Variants in NRXN3 observed in about 807,000 individuals in gnomAD.
NRXN3 encodes the protein neurexin III.
A neutral mutation model predicts 137.6 loss-of-function variants in NRXN3; 32 were observed. The ratio of observed to expected loss-of-function variants is 0.23; its 90% CI spans 0.18 to 0.31. The LOEUF (loss-of-function observed/expected upper bound fraction) is 0.31. Ranked by LOEUF, NRXN3 falls within the 10% of genes least tolerant of loss-of-function variation. The pLI is 1.00. For synonymous variants in NRXN3, 798 were observed against 784.5 expected, an observed-to-expected ratio of 1.02 and a Z score of -0.29; for missense variants, 1,574 against 2,062.5, an observed-to-expected ratio of 0.76 and a Z score of 4.59.
rs1470171889 is a variant in NRXN3, at chr14:79,238,340, A to C, written c.3263-228881A>C. ...ATTAATCATTAAGTTATTTGTGTATACATTTAACAGTTACCCATCTATTTA... is the reference window on the plus strand; with the variant it reads ...ATTAATCATTAAGTTATTTGTGTATCCATTTAACAGTTACCCATCTATTTA... On this transcript the variant is annotated intron_variant, in intron 15 of 20. Transcript: ENST00000335750. 3.3e-5 allele frequency among the ~76,000 whole-genome samples: 5 copies of C among 152,228 alleles called. No individual in the cohort carries two copies. In the East Asian group the frequency reaches 9.7e-4, roughly 29 times the overall value.
intron 15 of NRXN3, among the ~76,000 whole-genome samples, chr14:79,296,943 C>G (rs2153470031): frequency 6.6e-6 from 1 of 152,352 alleles, no homozygotes; most frequent in South Asian, 2.1e-4. Context: ...TTAGCCTCAT[C>G]ACTCAAAGGT....
chr14:78,358,069 C>G (rs2084592268), intron 4 of NRXN3, among the ~76,000 whole-genome samples: 1 of 152,112 alleles, frequency 6.6e-6, no homozygotes, highest in East Asian at 1.9e-4. Flanking sequence ...AACATGAGTT[C>G]CAGTCCTGGG....
At chr14:78,464,192 A>G (rs868212840) in intron 4 of NRXN3, among the ~76,000 whole-genome samples, 4 of 151,942 alleles carry the variant, frequency 2.6e-5, no homozygotes, top group Middle Eastern at 3.4e-3. Flanking sequence ...AGCTGGGCCT[A>G]CAGGCACCCG....
At position 78,325,158 on chromosome 14, in the gene NRXN3, C is replaced by G. The variant is rs538406033; in HGVS notation, c.757+27298C>G. Among the ~76,000 whole-genome samples, 168 of 152,044 alleles carry G rather than the reference C, an allele frequency of 1.1e-3. 2 individuals carry two copies. Among genetic ancestry groups the G allele is most frequent in the African/African-American group, 3.7e-3 (153 of 41,362 alleles). ...AAATATATAAAAATTAGCATCAGGA[C>G]AGGAATGAGACAAAGGTCCAAGGCC... On this transcript the variant is annotated intron_variant, in intron 4 of 20. Transcript: ENST00000335750.
chr14:78,959,200 G>A (rs2099403320), intron 11 of NRXN3, among the ~76,000 whole-genome samples: 1 of 152,110 alleles, frequency 6.6e-6, no homozygotes, highest in Admixed American at 6.5e-5. Flanking sequence ...AGAGCGTCTA[G>A]GCACATATCC....
intron 5 of NRXN3, among the ~76,000 whole-genome samples, chr14:78,646,542 C>T (rs1394513868): frequency 6.6e-6 from 1 of 152,178 alleles, no homozygotes. Context: ...TGATAGGTGT[C>T]TGCCTACGTT....
intron 16 of NRXN3, among the ~76,000 whole-genome samples, chr14:79,655,331 C>A: frequency 7.8e-6 from 1 of 127,474 alleles, no homozygotes; most frequent in Admixed American, 6.9e-5. Flanking sequence ...TTTATACCTG[C>A]AAAGTGGGCA....
intron 15 of NRXN3, among the ~76,000 whole-genome samples, chr14:79,084,767 CA>C (rs980154525): frequency 4.8e-4 from 73 of 152,166 alleles, no homozygotes; most frequent in African/African-American, 1.7e-3. Flanking sequence ...AAACAAAGGT[CA>C]AGCACATGTT....
Position 78,645,448 on chromosome 14 carries a change from G to A in NRXN3, c.1059+27G>A, listed in dbSNP as rs781719876. On this transcript the variant is annotated intron_variant, in intron 5 of 20. Transcript: ENST00000335750. ...TAATGGCTGAGGGGAGAGAATTCCT[G>A]GAAGGCTCATCTTAGGTGGCTGGGT... 3.2e-6 allele frequency: 5 copies of A among 1,540,196 alleles called. No individual in the cohort carries two copies. In the East Asian group the frequency reaches 1.1e-4, roughly 35 times the overall value.
chr14:78,496,621 G>A lies in NRXN3; in HGVS notation c.758-148499G>A, dbSNP rs889347926. On this transcript the variant is annotated intron_variant, in intron 4 of 20. Transcript: ENST00000335750. ...TACATTTTAGTAAAAGGAGAAAGAG[G>A]CAATGCAATAAACATTACAAGTAAA... Among the ~76,000 whole-genome samples the A allele has an allele frequency of 3.3e-5, 5 of 152,140 alleles. No homozygotes were observed. In the East Asian group the frequency reaches 9.7e-4, roughly 30 times the overall value.
chr14:78,510,825 T>G (rs2096090589), intron 4 of NRXN3, among the ~76,000 whole-genome samples: 1 of 152,194 alleles, frequency 6.6e-6, no homozygotes, highest in Non-Finnish European at 1.5e-5. Flanking sequence ...GGTACTAACG[T>G]CTCATTGCTA....
chr14:79,143,381 A>C (rs1402703189), intron 15 of NRXN3, among the ~76,000 whole-genome samples: 1 of 152,204 alleles, frequency 6.6e-6, no homozygotes, highest in Admixed American at 6.5e-5. Context: ...AGAGAGAAAA[A>C]GAAAGTCAGT....
At chr14:79,493,937 T>C (rs1231171862) in intron 16 of NRXN3, among the ~76,000 whole-genome samples, 1 of 152,230 alleles carries the variant, frequency 6.6e-6, no homozygotes, top group African/African-American at 2.4e-5. Flanking sequence ...ATTTGCTTAC[T>C]TCTCCAGATC....
At chr14:79,646,087 C>T (rs887937197) in intron 16 of NRXN3, among the ~76,000 whole-genome samples, 1 of 136,008 alleles carries the variant, frequency 7.4e-6, no homozygotes, top group African/African-American at 2.5e-5. Flanking sequence ...GCAGGTTGTA[C>T]TGCTTGGCCA....
chr14:79,552,998 T>C (rs1414988539), intron 16 of NRXN3, among the ~76,000 whole-genome samples: 2 of 151,954 alleles, frequency 1.3e-5, no homozygotes, highest in Non-Finnish European at 2.9e-5. Flanking sequence ...GGATAAACTT[T>C]CTTCTGGTGA....
intron 15 of NRXN3, among the ~76,000 whole-genome samples, chr14:79,423,700 A>G (rs1026363277): frequency 6.6e-6 from 1 of 152,238 alleles, no homozygotes; most frequent in Non-Finnish European, 1.5e-5. Flanking sequence ...CCAATTGGGC[A>G]TAACTGCTTT....
chr14:79,704,193 C>A (rs2098767011), intron 19 of NRXN3, among the ~76,000 whole-genome samples: 1 of 152,048 alleles, frequency 6.6e-6, no homozygotes, highest in East Asian at 1.9e-4. Flanking sequence ...TTTTGTAGAT[C>A]AAAATGGTTA....
At chr14:79,740,378 G>A (rs1176816911) in intron 19 of NRXN3, among the ~76,000 whole-genome samples, 4 of 151,780 alleles carry the variant, frequency 2.6e-5, no homozygotes, top group Admixed American at 6.6e-5. Flanking sequence ...AAAACTTTCC[G>A]TGACTCCTGG....
chr14:79,496,138 G>A (rs2153664105), intron 16 of NRXN3, among the ~76,000 whole-genome samples: 1 of 151,696 alleles, frequency 6.6e-6, no homozygotes, highest in South Asian at 2.1e-4. Context: ...AATTTACAAA[G>A]TTTTCTGCTG....
Sources: allele counts gnomAD v4.1 joint callset (sites outside exome capture counted in the v4.1 genomes callset), GRCh38; gene constraint gnomAD v4.1.1; transcripts MANE v1.5; gene names NCBI Gene and HGNC (gene_info 2026-07-23, HGNC 2026-07-21).